The following IQGAP2 variants were observed in gnomAD, a reference collection of about 807,000 sequenced individuals.
The protein encoded by IQGAP2 is IQ motif containing GTPase activating protein 2, also known as ras GTPase-activating-like protein IQGAP2.
A neutral mutation model predicts 201.3 loss-of-function variants in IQGAP2; 173 were observed. That is an observed-to-expected ratio of 0.86 (90% CI 0.76 to 0.98). The LOEUF (loss-of-function observed/expected upper bound fraction) is 0.98. IQGAP2 is among the 50% of genes least tolerant of loss of function. The pLI is 0.00. For missense variants in IQGAP2, 1,687 were observed against 1,864.8 expected, an observed-to-expected ratio of 0.90 and a Z score of 1.76; for synonymous variants, 675 against 673.9, an observed-to-expected ratio of 1.00 and a Z score of -0.03.
chr5:76,606,058 C>T (rs1048527492), intron 11 of IQGAP2, 121 bp from the exon 12 acceptor site: 1 of 778,446 alleles, frequency 1.3e-6, no homozygotes, highest in African/African-American at 1.8e-5. Context: ...ATTTTATTTG[C>T]CTTTCTACTC....
chr5:76,673,652 A>G (rs1744552048), intron 25 of IQGAP2, 63 bp downstream of exon 25: 2 of 1,548,842 alleles, frequency 1.3e-6, no homozygotes, highest in Non-Finnish European at 1.8e-6. Context: ...TACGATGTAA[A>G]ATAAGCCCCT....
intron 35 of IQGAP2, among the ~76,000 whole-genome samples, chr5:76,703,453 G>C (rs188043853): frequency 1.3e-5 from 2 of 152,102 alleles, no homozygotes; most frequent in East Asian, 3.9e-4. Flanking sequence ...ACCACACCTG[G>C]CCCCTAGAAT....
At chr5:76,559,264 C>G (rs1471411565) in intron 2 of IQGAP2, among the ~76,000 whole-genome samples, 2 of 152,182 alleles carry the variant, frequency 1.3e-5, no homozygotes, top group African/African-American at 4.8e-5. Flanking sequence ...CTGGAACTGT[C>G]TTTCGGTTGT....
rs117115565 is a variant in IQGAP2 at position 76,601,351 on chromosome 5, C to T, written c.1232+379C>T. 5.2e-4 allele frequency among the ~76,000 whole-genome samples: 79 copies of T among 152,306 alleles called. No individual in the cohort carries two copies. In the East Asian group the frequency reaches 0.014, roughly 27 times the overall value. On this transcript the variant is annotated intron_variant, in intron 11 of 35. Transcript: ENST00000274364. Reference sequence around the variant, plus strand: ...GTCCAATTCTTTTATGTCACTGATGCAGAAACAGAATCCGGGTTATGGACC... The same window carrying T: ...GTCCAATTCTTTTATGTCACTGATGTAGAAACAGAATCCGGGTTATGGACC...
chr5:76,441,287 T>G (rs1031857087), intron 1 of IQGAP2, among the ~76,000 whole-genome samples: 4 of 152,220 alleles, frequency 2.6e-5, no homozygotes, highest in African/African-American at 9.6e-5. Flanking sequence ...TGTCATTATC[T>G]TGACAGTCTG....
At chr5:76,701,423 C>T (rs750071316) in intron 34 of IQGAP2, among the ~76,000 whole-genome samples, 2 of 151,836 alleles carry the variant, frequency 1.3e-5, no homozygotes, top group South Asian at 4.2e-4. Flanking sequence ...TTGTCTTTCC[C>T]GTGGCTTGTG....
intron 32 of IQGAP2, among the ~76,000 whole-genome samples, chr5:76,697,576 A>C (rs1047875179): frequency 1.3e-5 from 2 of 152,150 alleles, no homozygotes; most frequent in Admixed American, 6.5e-5. Context: ...CCTGGAGGTA[A>C]AGGTTGCAGA....
intron 1 of IQGAP2, among the ~76,000 whole-genome samples, chr5:76,456,877 A>G (rs2150121594): frequency 6.6e-6 from 1 of 152,300 alleles, no homozygotes; most frequent in East Asian, 1.9e-4. Context: ...GCTCAGGGGT[A>G]AGTTCAAGGC....
intron 4 of IQGAP2, 112 bp from the exon 5 acceptor site, chr5:76,575,581 T>A (rs1364449487): frequency 1.9e-5 from 10 of 538,254 alleles, no homozygotes; most frequent in Non-Finnish European, 3.2e-5. Flanking sequence ...GGTTCCTCTA[T>A]ATTTAAATAA....
At position 76,416,121 on chromosome 5, in the gene IQGAP2, C is replaced by G. The variant is rs557690901; in HGVS notation, c.46+12530C>G. ...AAGAGGTGAACTACTCATGACCATT[C>G]CTTCATTCAACAGGAGGTGCTAGAT... On this transcript the variant is annotated intron_variant, in intron 1 of 35. Coordinates refer to ENST00000274364, the MANE Select transcript of IQGAP2 (RefSeq NM_006633.5). 1.2e-4 allele frequency among the ~76,000 whole-genome samples: 18 copies of G among 152,232 alleles called. 1 individual carries two copies. In the South Asian group the frequency reaches 3.7e-3, roughly 32 times the overall value.
Position 76,510,506 on chromosome 5 carries a change from G to A in IQGAP2, c.146+48837G>A, listed in dbSNP as rs186621424. Reference sequence around the variant, plus strand: ...AGGATCCACTCAGGCTGCATCTCCCGTGGTGCTCATCTGGCTGCTGCCATC... The same window carrying A: ...AGGATCCACTCAGGCTGCATCTCCCATGGTGCTCATCTGGCTGCTGCCATC... On this transcript the variant is annotated intron_variant, in intron 2 of 35. Transcript: ENST00000274364. The A allele has an allele frequency of 1.1e-3, 411 of 363,214 alleles. 4 individuals are homozygous for A. The highest frequency in any genetic ancestry group is 8.0e-3 in the African/African-American group (377 of 47,066). The allele number at this position is 363,214 out of a possible 1,614,324, so 22.5% of individuals were successfully genotyped here.
chr5:76,410,583 C>T (rs1040831017), intron 1 of IQGAP2, among the ~76,000 whole-genome samples: 1 of 152,158 alleles, frequency 6.6e-6, no homozygotes, highest in Non-Finnish European at 1.5e-5. Context: ...GGATGAACAG[C>T]TTTGCCAGAG....
At chr5:76,651,807 C>T (rs886943598) in intron 17 of IQGAP2, among the ~76,000 whole-genome samples, 3 of 151,608 alleles carry the variant, frequency 2.0e-5, no homozygotes, top group East Asian at 1.9e-4. Context: ...GTGCCCAGTT[C>T]GTCATTTTGA....
At chr5:76,556,357 G>T (rs76365530) in intron 2 of IQGAP2, among the ~76,000 whole-genome samples, 12,698 of 152,034 alleles carry the variant, frequency 0.084, 1,002 homozygotes, top group East Asian at 0.44. Flanking sequence ...AGATGGAGCC[G>T]CCATCTTGAA....
chr5:76,655,954 G>A (rs1752877873), intron 20 of IQGAP2, among the ~76,000 whole-genome samples: 1 of 152,132 alleles, frequency 6.6e-6, no homozygotes. Context: ...AAATTTACTA[G>A]TACTTACAGT....
chr5:76,667,243 A>T (rs1346590015), intron 22 of IQGAP2, among the ~76,000 whole-genome samples: 1 of 152,212 alleles, frequency 6.6e-6, no homozygotes, highest in Admixed American at 6.5e-5. Flanking sequence ...CAGTCACTAC[A>T]GAGCTATCAA....
chr5:76,502,901 A>ATTTT (rs34968249), intron 2 of IQGAP2, among the ~76,000 whole-genome samples: 8 of 142,220 alleles, frequency 5.6e-5, no homozygotes, highest in African/African-American at 1.8e-4. Flanking sequence ...ACAGCTGGCT[A>ATTTT]TTTTTTTTTT....
chr5:76,460,616 G>A (rs958447620), intron 1 of IQGAP2, among the ~76,000 whole-genome samples: 9 of 152,096 alleles, frequency 5.9e-5, no homozygotes, highest in Non-Finnish European at 8.8e-5. Flanking sequence ...AAGATTGAGA[G>A]CTTCTGTACT....
At chr5:76,410,882 A>G (rs1751069832) in intron 1 of IQGAP2, among the ~76,000 whole-genome samples, 2 of 152,234 alleles carry the variant, frequency 1.3e-5, no homozygotes, top group South Asian at 4.1e-4. Context: ...GTGGGATTTT[A>G]CTAAGCTCTA....
Sources: gnomAD v4.1 joint callset for allele counts (sites outside exome capture counted in the v4.1 genomes callset) on GRCh38, gnomAD v4.1.1 for gene constraint, MANE v1.5 for transcripts, NCBI Gene and HGNC (gene_info 2026-07-23, HGNC 2026-07-21) for gene names.